The following EPM2A variants were observed in gnomAD, a reference collection of about 807,000 sequenced individuals.
EPM2A encodes the protein EPM2A glucan phosphatase, laforin, also known as laforin.
Under a neutral mutation model 26.5 loss-of-function variants are expected in EPM2A, and 21 were observed. The observed-to-expected ratio is 0.79, with a 90% CI of 0.56 to 1.14. The LOEUF (loss-of-function observed/expected upper bound fraction) is 1.14. EPM2A is among the 50% of genes most tolerant of loss of function. The pLI, the probability that EPM2A is intolerant of heterozygous loss-of-function variation, is 0.00. For synonymous variants in EPM2A, 217 were observed against 177.6 expected (o/e 1.22, Z -1.76); for missense variants, 458 against 440.8 (o/e 1.04, Z -0.35).
At chr6:145,391,097 A>AG (rs1324461557) in intron 4 of EPM2A, among the ~76,000 whole-genome samples, 3 of 152,166 alleles carry the variant, frequency 2.0e-5, no homozygotes, top group African/African-American at 4.8e-5. Context: ...CTTTCAGCAA[A>AG]GGGGACCCCA....
downstream of EPM2A, among the ~76,000 whole-genome samples, chr6:145,499,452 A>G (rs954916130): frequency 2.6e-5 from 4 of 152,210 alleles, no homozygotes; most frequent in African/African-American, 9.6e-5. Context: ...CTTTCAAATC[A>G]TAAGTTTATC....
chr6:145,547,642 G>C (rs747730883), intron 2 of EPM2A, among the ~76,000 whole-genome samples: 6 of 152,148 alleles, frequency 3.9e-5, no homozygotes, highest in Non-Finnish European at 8.8e-5. Context: ...CATTTTTACT[G>C]TATAGGCTAC....
chr6:145,587,683 A>G (rs978836350), intron 2 of EPM2A, among the ~76,000 whole-genome samples: 19 of 152,342 alleles, frequency 1.2e-4, no homozygotes, highest in African/African-American at 4.3e-4. Flanking sequence ...TATCACACAA[A>G]TTACATAACC....
intron 4 of EPM2A, among the ~76,000 whole-genome samples, chr6:145,388,150 TG>T (rs1750031972): frequency 6.6e-6 from 1 of 152,198 alleles, no homozygotes; most frequent in South Asian, 2.1e-4. Context: ...TATTGAAGCT[TG>T]GTGGTGAATG....
chr6:145,722,699 G>A (rs1321112695), intron 1 of EPM2A: 1 of 439,392 alleles, frequency 2.3e-6, no homozygotes, highest in African/African-American at 2.1e-5. Flanking sequence ...CTCAGAATGT[G>A]ATCTTATTTG....
At chr6:145,506,162 A>G (rs1779970629) in intron 2 of EPM2A, among the ~76,000 whole-genome samples, 1 of 152,250 alleles carries the variant, frequency 6.6e-6, no homozygotes, top group African/African-American at 2.4e-5. Flanking sequence ...CCTTTGGTTT[A>G]GGGAGCATAG....
chr6:145,723,200 C>A (rs1776030681), intron 1 of EPM2A, among the ~76,000 whole-genome samples: 1 of 151,906 alleles, frequency 6.6e-6, no homozygotes, highest in Non-Finnish European at 1.5e-5. Context: ...TTGTGCAGGA[C>A]AAATGAAAGA....
At chr6:145,539,740 C>T (rs921249598) in intron 2 of EPM2A, among the ~76,000 whole-genome samples, 3 of 152,128 alleles carry the variant, frequency 2.0e-5, no homozygotes, top group Non-Finnish European at 4.4e-5. Context: ...TTTTGTTTTC[C>T]GTATTTTGAT....
chr6:145,716,668 AC>A (rs1775643423), intron 1 of EPM2A, among the ~76,000 whole-genome samples: 1 of 151,782 alleles, frequency 6.6e-6, no homozygotes, highest in Non-Finnish European at 1.5e-5. Flanking sequence ...GGATTCCTTC[AC>A]CCCAAAATGC....
chr6:145,478,770 C>T (rs1779576478), intron 4 of EPM2A, among the ~76,000 whole-genome samples: 1 of 151,624 alleles, frequency 6.6e-6, no homozygotes, highest in Non-Finnish European at 1.5e-5. Flanking sequence ...TCTATTTTCA[C>T]CATAAATTAT....
At chr6:145,516,901 T>G (rs368669049) in intron 2 of EPM2A, among the ~76,000 whole-genome samples, 44 of 152,324 alleles carry the variant, frequency 2.9e-4, no homozygotes, top group Admixed American at 4.6e-4. Flanking sequence ...CACTTTCATG[T>G]TCATTACAAC....
In EPM2A at chr6:145,626,886, A is replaced by T; in HGVS notation, c.*530T>A. The T allele has an allele frequency of 1.0e-6, 1 of 994,788 alleles. No homozygotes were observed. Among genetic ancestry groups the T allele is most frequent in the Admixed American group, 5.4e-5 (1 of 18,360 alleles). The allele number at this position is 994,788 out of a possible 1,614,324, so 61.6% of individuals were successfully genotyped here. A position where few individuals can be genotyped will look rare whatever the true frequency, so the allele number is the denominator to read the frequency against. ...GACTTTAACAACTGTGAGGCAGGAT[A>T]AAAAACAAGTCCTGAAAGCCATCAC... On this transcript the variant is annotated 3_prime_UTR_variant, in exon 4 of 4. Coordinates refer to ENST00000367519, the MANE Select transcript of EPM2A (RefSeq NM_005670.4).
At chr6:145,527,948 A>G (rs576701135) in intron 2 of EPM2A, among the ~76,000 whole-genome samples, 1 of 149,408 alleles carries the variant, frequency 6.7e-6, no homozygotes, top group East Asian at 2.0e-4. Flanking sequence ...CGCAAATAAC[A>G]AAAAAAAAAG....
At chr6:145,405,981 T>TAC (rs56700058) in intron 4 of EPM2A, among the ~76,000 whole-genome samples, 15,021 of 146,528 alleles carry the variant, frequency 0.1, 763 homozygotes, top group South Asian at 0.16. Context: ...TGGAGATACC[T>TAC]ACACACACAC....
At chr6:145,605,248 C>T (rs1443351962) in intron 2 of EPM2A, among the ~76,000 whole-genome samples, 1 of 152,076 alleles carries the variant, frequency 6.6e-6, no homozygotes, top group East Asian at 1.9e-4. Context: ...ATTCAAATTC[C>T]AACAACAATT....
Position 145,723,100 on chromosome 6 carries a change from T to A in EPM2A, c.301+12098A>T, listed in dbSNP as rs188151374. Among the ~76,000 whole-genome samples, 273 of 152,294 alleles carry A rather than the reference T, an allele frequency of 1.8e-3. 1 individual carries two copies. Among genetic ancestry groups the A allele is most frequent in the African/African-American group, 6.3e-3 (260 of 41,586 alleles). ...TTAATCTTCTTAAATTATAATAGAT[T>A]ATTTAAGGATTCAAAATTTTTATAT... On this transcript the variant is annotated intron_variant, in intron 1 of 3. Coordinates refer to ENST00000367519, the MANE Select transcript of EPM2A (RefSeq NM_005670.4).
At position 145,668,281 on chromosome 6, in the gene EPM2A, C is replaced by G. The variant is rs147553443; in HGVS notation, c.476+17841G>C. 4.9e-3 allele frequency among the ~76,000 whole-genome samples: 749 copies of G among 152,004 alleles called. 6 individuals are homozygous for G. Among genetic ancestry groups the G allele is most frequent in the African/African-American group, 0.015 (614 of 41,464 alleles). On this transcript the variant is annotated intron_variant, in intron 2 of 3. Coordinates refer to ENST00000367519, the MANE Select transcript of EPM2A (RefSeq NM_005670.4). The stretch of plus-strand genomic sequence containing the variant: ...ATCTAAGAAAAAAAGGATAATGAGA[C>G]AAGCAATTAACATAATGGTCAAGAT...
chr6:145,517,276 T>C (rs1780141231), intron 2 of EPM2A, among the ~76,000 whole-genome samples: 2 of 152,180 alleles, frequency 1.3e-5, no homozygotes, highest in Admixed American at 1.3e-4. Context: ...TTATACAACA[T>C]TGTGCTTATA....
At chr6:145,631,560 A>G (rs930067873) in intron 3 of EPM2A, 2 of 152,172 alleles carry the variant, frequency 1.3e-5, no homozygotes, top group African/African-American at 4.8e-5. Context: ...ACAAGACTAG[A>G]AAAACAGCAA....
Sources: gnomAD v4.1 joint callset for allele counts (sites outside exome capture counted in the v4.1 genomes callset) on GRCh38, gnomAD v4.1.1 for gene constraint, MANE v1.5 for transcripts, NCBI Gene and HGNC (gene_info 2026-07-23, HGNC 2026-07-21) for gene names.